The following RBFOX1 variants were observed in gnomAD, a reference collection of about 807,000 sequenced individuals.
RBFOX1 encodes RNA binding protein fox-1 homolog 1.
RBFOX1 carries 8 observed loss-of-function variants against 57.7 expected under a neutral mutation model. That is an observed-to-expected ratio of 0.14 (90% CI 0.08 to 0.25). The LOEUF (loss-of-function observed/expected upper bound fraction) is 0.25. Ranked by LOEUF, RBFOX1 falls within the 10% of genes least tolerant of loss-of-function variation. The pLI is 1.00. For missense variants in RBFOX1, 611 were observed against 548.5 expected, an observed-to-expected ratio of 1.11 and a Z score of -1.14; for synonymous variants, 326 against 222.4, an observed-to-expected ratio of 1.47 and a Z score of -4.15.
chr16:5,501,491 G>A (rs2043196639), intron 2 of RBFOX1, among the ~76,000 whole-genome samples: 1 of 152,084 alleles, frequency 6.6e-6, no homozygotes, highest in Non-Finnish European at 1.5e-5. Context: ...GAATCCTGGG[G>A]GAAGAGGGTT....
chr16:7,653,019 GTGTA>G (rs1244713079), intron 11 of RBFOX1, among the ~76,000 whole-genome samples: 1 of 152,172 alleles, frequency 6.6e-6, no homozygotes, highest in Non-Finnish European at 1.5e-5. Context: ...GGAAAGTTGT[GTGTA>G]TGTGTATACA....
intron 3 of RBFOX1, among the ~76,000 whole-genome samples, chr16:6,918,748 C>T (rs1263386590): frequency 6.6e-6 from 1 of 152,112 alleles, no homozygotes; most frequent in Non-Finnish European, 1.5e-5. Flanking sequence ...GCGGCAGTCT[C>T]ACGTTGATAT....
intron 3 of RBFOX1, among the ~76,000 whole-genome samples, chr16:5,649,935 C>T (rs540544362): frequency 1.1e-4 from 16 of 152,128 alleles, no homozygotes; most frequent in Non-Finnish European, 1.2e-4. Context: ...CACTCGAGTT[C>T]GCAAGAATCG....
At chr16:7,609,803 T>TTTTGTTTG (rs138776547) in intron 10 of RBFOX1, among the ~76,000 whole-genome samples, 2,912 of 150,152 alleles carry the variant, frequency 0.019, 60 homozygotes, top group African/African-American at 0.054. Flanking sequence ...ACTGGTGGGG[T>TTTTGTTTG]TTTGTTTGTT....
intron 2 of RBFOX1, among the ~76,000 whole-genome samples, chr16:5,580,718 A>G (rs1200464079): frequency 1.3e-5 from 2 of 152,162 alleles, no homozygotes; most frequent in African/African-American, 4.8e-5. Context: ...GTCTGCACAT[A>G]GAGGCCGAGA....
At chr16:5,823,705 A>T (rs1459767505) in intron 3 of RBFOX1, among the ~76,000 whole-genome samples, 1 of 152,172 alleles carries the variant, frequency 6.6e-6, no homozygotes, top group East Asian at 1.9e-4. Context: ...TGAACTGCAC[A>T]TGTGAGGGAT....
At chr16:5,930,177 C>T (rs1256344088) in intron 4 of RBFOX1, among the ~76,000 whole-genome samples, 2 of 149,326 alleles carry the variant, frequency 1.3e-5, no homozygotes, top group Non-Finnish European at 3.0e-5. Context: ...AGAAACTCAA[C>T]ACCAAATAGC....
chr16:5,251,932 C>A (rs1159300286), intron 1 of RBFOX1, among the ~76,000 whole-genome samples: 1 of 152,010 alleles, frequency 6.6e-6, no homozygotes, highest in Non-Finnish European at 1.5e-5. Flanking sequence ...CTAATAGGTC[C>A]TGAACCAGTG....
chr16:7,001,532 T>C (rs565423798), intron 3 of RBFOX1, among the ~76,000 whole-genome samples: 76 of 152,164 alleles, frequency 5.0e-4, no homozygotes, highest in Middle Eastern at 3.4e-3. Context: ...TCTCAACTCG[T>C]TGCAACCTCC....
chr16:5,883,361 A>G (rs964604360), intron 4 of RBFOX1, among the ~76,000 whole-genome samples: 1 of 152,224 alleles, frequency 6.6e-6, no homozygotes, highest in Non-Finnish European at 1.5e-5. Context: ...AACAACAAAA[A>G]TACAATCCTA....
chr16:5,919,467 C>T lies in RBFOX1; in HGVS notation c.351+52132C>T, dbSNP rs542326868. 3.9e-5 allele frequency among the ~76,000 whole-genome samples: 6 copies of T among 152,174 alleles called. No individual in the cohort carries two copies. The South Asian group carries it at 1.0e-3, about 26-fold the overall frequency. On this transcript the variant is annotated intron_variant, in intron 4 of 19. Coordinates refer to the RBFOX1 transcript ENST00000641259. ...AAGCGATTCTCCTGCCTCAGCCTCCCGAGTAGCTGGGAGTACAGGCATGTG... is the reference window on the plus strand; with the variant it reads ...AAGCGATTCTCCTGCCTCAGCCTCCTGAGTAGCTGGGAGTACAGGCATGTG...
At chr16:5,589,816 T>G (rs2046948043) in intron 2 of RBFOX1, among the ~76,000 whole-genome samples, 1 of 152,136 alleles carries the variant, frequency 6.6e-6, no homozygotes, top group South Asian at 2.1e-4. Flanking sequence ...TGACCCCAAC[T>G]CTACGTGACC....
At chr16:5,895,637 A>G (rs2058145664) in intron 4 of RBFOX1, among the ~76,000 whole-genome samples, 1 of 152,186 alleles carries the variant, frequency 6.6e-6, no homozygotes, top group African/African-American at 2.4e-5. Context: ...TTCTGCCACT[A>G]ACGTGCAGTC....
chr16:5,714,865 C>T (rs1006847459), intron 3 of RBFOX1, among the ~76,000 whole-genome samples: 1 of 152,100 alleles, frequency 6.6e-6, no homozygotes, highest in South Asian at 2.1e-4. Context: ...GCCAAGGTCA[C>T]GTAGCTAGTA....
At chr16:6,432,384 T>C (rs2094124057) in intron 2 of RBFOX1, among the ~76,000 whole-genome samples, 1 of 152,002 alleles carries the variant, frequency 6.6e-6, no homozygotes, top group African/African-American at 2.4e-5. Flanking sequence ...GAATAATATT[T>C]AATGAGGCCG....
At chr16:7,154,719 G>C (rs1226987315) in intron 4 of RBFOX1, among the ~76,000 whole-genome samples, 1 of 113,738 alleles carries the variant, frequency 8.8e-6, no homozygotes, top group African/African-American at 2.6e-5. Context: ...GTGTGTGTGT[G>C]TGTGTGTGTG....
chr16:7,482,246 A>C (rs1326941365), intron 4 of RBFOX1, among the ~76,000 whole-genome samples: 1 of 152,206 alleles, frequency 6.6e-6, no homozygotes, highest in African/African-American at 2.4e-5. Flanking sequence ...TAAGAGCTCA[A>C]ACAGTGTCAG....
chr16:5,373,348 C>T (rs931299127), intron 1 of RBFOX1, among the ~76,000 whole-genome samples: 2 of 152,080 alleles, frequency 1.3e-5, no homozygotes, highest in Non-Finnish European at 1.5e-5. Context: ...AGGAGGGACC[C>T]GGTGGGAGGT....
rs2093092783 is a variant in RBFOX1 at position 7,574,308 on chromosome 16, C to T, written c.271-5469C>T. Among the ~76,000 whole-genome samples, 3 of 152,228 alleles carry T rather than the reference C, an allele frequency of 2.0e-5. No individual in the cohort carries two copies. In the South Asian group the frequency reaches 6.2e-4, roughly 32 times the overall value. ...TTGAAGTGACACCTGTATCAGGGTTCTCTAGAGGGAAAGAACTAATAAAAT... is the reference window on the plus strand; with the variant it reads ...TTGAAGTGACACCTGTATCAGGGTTTTCTAGAGGGAAAGAACTAATAAAAT... On this transcript the variant is annotated intron_variant, in intron 5 of 15. Transcript: ENST00000550418.
Sources: allele counts gnomAD v4.1 joint callset (sites outside exome capture counted in the v4.1 genomes callset), GRCh38; gene constraint gnomAD v4.1.1; transcripts MANE v1.5; gene names NCBI Gene and HGNC (gene_info 2026-07-23, HGNC 2026-07-21).